The following EPHB1 variants were observed in gnomAD, a reference collection of about 807,000 sequenced individuals.
The protein encoded by EPHB1 is ephrin type-B receptor 1.
Under a neutral mutation model 94.4 loss-of-function variants are expected in EPHB1, and 30 were observed. The observed-to-expected ratio is 0.32, with a 90% CI of 0.24 to 0.43. The LOEUF is 0.43. Among genes scored for constraint, EPHB1 ranks in the 20% least tolerant of loss-of-function variants. The pLI is 1.00. For missense variants in EPHB1, 1,055 were observed against 1,308.3 expected (o/e 0.81, Z 2.99); for synonymous variants, 522 against 489.1 (o/e 1.07, Z -0.89).
chr3:134,824,561 G>A (rs1421162220), intron 1 of EPHB1, among the ~76,000 whole-genome samples: 1 of 152,188 alleles, frequency 6.6e-6, no homozygotes, highest in Admixed American at 6.5e-5. Context: ...CTTTGGTGAT[G>A]GGAACTTGCC....
At chr3:134,924,597 A>G (rs1256368086) in intron 1 of EPHB1, among the ~76,000 whole-genome samples, 3 of 152,236 alleles carry the variant, frequency 2.0e-5, no homozygotes, top group Non-Finnish European at 4.4e-5. Flanking sequence ...CCAAGTGTCA[A>G]TGAAAATATG....
At chr3:134,831,414 C>A (rs1284336499) in intron 1 of EPHB1, among the ~76,000 whole-genome samples, 2 of 152,216 alleles carry the variant, frequency 1.3e-5, no homozygotes, top group Non-Finnish European at 2.9e-5. Flanking sequence ...CATGGCCTTT[C>A]ACACTTTCTC....
At chr3:134,955,020 A>G (rs1028743634) in intron 3 of EPHB1, among the ~76,000 whole-genome samples, 4 of 135,998 alleles carry the variant, frequency 2.9e-5, no homozygotes, top group Non-Finnish European at 6.2e-5. Context: ...CAAGCGGCTC[A>G]TGCATTTTCT....
chr3:134,910,801 C>G (rs182315785), intron 1 of EPHB1, among the ~76,000 whole-genome samples: 2 of 152,218 alleles, frequency 1.3e-5, no homozygotes, highest in East Asian at 3.9e-4. Context: ...GTGCCGTACT[C>G]TCATTAGGCT....
chr3:135,144,731 C>A (rs1277042438), intron 5 of EPHB1, among the ~76,000 whole-genome samples: 1 of 152,140 alleles, frequency 6.6e-6, no homozygotes, highest in Admixed American at 6.5e-5. Flanking sequence ...TGACTCCCTG[C>A]CTTGGGGTGT....
intron 3 of EPHB1, among the ~76,000 whole-genome samples, chr3:135,051,073 A>G (rs980227361): frequency 6.6e-6 from 1 of 152,200 alleles, no homozygotes; most frequent in Non-Finnish European, 1.5e-5. Context: ...ATTACCCAGC[A>G]TTAGGTATTT....
chr3:134,967,162 T>C (rs1178904777), intron 3 of EPHB1, among the ~76,000 whole-genome samples: 2 of 152,166 alleles, frequency 1.3e-5, no homozygotes, highest in Non-Finnish European at 2.9e-5. Flanking sequence ...GGCCCAGATA[T>C]ATAAAGACTT....
intron 10 of EPHB1, among the ~76,000 whole-genome samples, chr3:135,186,673 T>C (rs1942338102): frequency 1.3e-5 from 2 of 152,166 alleles, no homozygotes; most frequent in Admixed American, 6.6e-5. Context: ...GGCAGGTGAA[T>C]GTTTCGTTTT....
chr3:135,089,526 G>A (rs1024681990), intron 3 of EPHB1, among the ~76,000 whole-genome samples: 1 of 152,210 alleles, frequency 6.6e-6, no homozygotes, highest in Admixed American at 6.5e-5. Context: ...CCTTGGAAGG[G>A]TGAAGTGAGA....
At chr3:134,804,071 A>ATTTTT (rs572201781) in intron 1 of EPHB1, among the ~76,000 whole-genome samples, 6 of 43,768 alleles carry the variant, frequency 1.4e-4, no homozygotes, top group African/African-American at 1.9e-4. Context: ...ATTATTGGCT[A>ATTTTT]TTTTTTTTTT....
At chr3:134,828,504 T>G (rs988570469) in intron 1 of EPHB1, among the ~76,000 whole-genome samples, 14 of 152,214 alleles carry the variant, frequency 9.2e-5, no homozygotes, top group East Asian at 3.9e-4. Flanking sequence ...AGCATCTGCC[T>G]CAATCTATCA....
intron 3 of EPHB1, among the ~76,000 whole-genome samples, chr3:135,066,247 C>T (rs1054200164): frequency 6.6e-6 from 1 of 152,216 alleles, no homozygotes; most frequent in Non-Finnish European, 1.5e-5. Flanking sequence ...GTCTAGGTCT[C>T]TAGCAAGGCT....
intron 3 of EPHB1, among the ~76,000 whole-genome samples, chr3:134,980,109 T>G (rs150031726): frequency 3.4e-4 from 52 of 152,364 alleles, no homozygotes; most frequent in African/African-American, 1.1e-3. Context: ...GGGCCTCAGC[T>G]GCAAAATTTG....
At chr3:135,063,732 G>A (rs979703693) in intron 3 of EPHB1, among the ~76,000 whole-genome samples, 5 of 152,016 alleles carry the variant, frequency 3.3e-5, no homozygotes, top group African/African-American at 1.2e-4. Flanking sequence ...CTGTGTTGAA[G>A]AGGAGTGGTG....
intron 6 of EPHB1, among the ~76,000 whole-genome samples, chr3:135,157,758 C>T (rs940443619): frequency 2.6e-5 from 4 of 152,194 alleles, no homozygotes; most frequent in Admixed American, 2.0e-4. Context: ...AGATGTTAGC[C>T]CATGAGGGCC....
At chr3:134,911,373 G>GGGA (rs10626598) in intron 1 of EPHB1, among the ~76,000 whole-genome samples, 65,975 of 151,812 alleles carry the variant, frequency 0.43, 16,728 homozygotes, top group African/African-American at 0.68. Flanking sequence ...ACATCTTCCG[G>GGGA]GGAGGAGGGC....
intron 3 of EPHB1, among the ~76,000 whole-genome samples, chr3:134,972,830 A>G (rs969858820): frequency 6.6e-6 from 1 of 152,060 alleles, no homozygotes; most frequent in African/African-American, 2.4e-5. Flanking sequence ...ACTCAGTGTG[A>G]ATTTGAGGCC....
intron 1 of EPHB1, among the ~76,000 whole-genome samples, chr3:134,798,959 T>A (rs2035884855): frequency 6.6e-6 from 1 of 152,216 alleles, no homozygotes; most frequent in African/African-American, 2.4e-5. Flanking sequence ...ATGGGAATAC[T>A]CCCAGGAGAC....
chr3:135,170,651 C>T (rs773776020), intron 9 of EPHB1, among the ~76,000 whole-genome samples: 4 of 152,026 alleles, frequency 2.6e-5, no homozygotes, highest in Admixed American at 6.5e-5. Flanking sequence ...GTGGCCACCT[C>T]GATGATCTAG....
Sources: allele counts gnomAD v4.1 joint callset (sites outside exome capture counted in the v4.1 genomes callset), GRCh38; gene constraint gnomAD v4.1.1; transcripts MANE v1.5; gene names NCBI Gene and HGNC (gene_info 2026-07-23, HGNC 2026-07-21).